Variants in SLC25A13 observed in about 807,000 individuals in gnomAD.
The protein encoded by SLC25A13 is electrogenic aspartate/glutamate antiporter SLC25A13, mitochondrial.
Under a neutral mutation model 85.5 loss-of-function variants are expected in SLC25A13, and 70 were observed. The observed-to-expected ratio is 0.82, with a 90% confidence interval of 0.68 to 1.00. SLC25A13 has a LOEUF of 1.00. Ranked by LOEUF, SLC25A13 falls within the 50% of genes least tolerant of loss-of-function variation. SLC25A13 has a pLI of 0.00. For missense variants in SLC25A13, 765 were observed against 819.8 expected, an observed-to-expected ratio of 0.93 and a Z score of 0.82; for synonymous variants, 259 against 288.7, an observed-to-expected ratio of 0.90 and a Z score of 1.04.
At chr7:96,211,347 T>C (rs1205924118) in intron 4 of SLC25A13, among the ~76,000 whole-genome samples, 1 of 152,102 alleles carries the variant, frequency 6.6e-6, no homozygotes, top group Admixed American at 6.6e-5. Context: ...ATCCCTAAGA[T>C]ATCTCTCAGA....
rs1490959114 is a variant in SLC25A13 at position 96,192,141 on chromosome 7, C to T, written c.616-894G>A. 2.6e-5 allele frequency among the ~76,000 whole-genome samples: 4 copies of T among 151,986 alleles called. No individual in the cohort carries two copies. In the East Asian group the frequency reaches 5.8e-4, roughly 22 times the overall value. On this transcript the variant is annotated intron_variant, in intron 6 of 17. Transcript: ENST00000265631. The stretch of plus-strand genomic sequence containing the variant: ...CACAGTGCCAGAATGGAAGAGGCCT[C>T]GTTGGAATACCATGTCTCTAGAACT...
intron 3 of SLC25A13, among the ~76,000 whole-genome samples, chr7:96,243,380 GGAACCAC>G (rs1351400822): frequency 6.6e-6 from 1 of 152,186 alleles, no homozygotes; most frequent in Non-Finnish European, 1.5e-5. Flanking sequence ...ATGTCCTCAA[GGAACCAC>G]ATTTGCAGAT....
intron 15 of SLC25A13, among the ~76,000 whole-genome samples, chr7:96,126,783 TA>T (rs1464252129): frequency 1.3e-5 from 2 of 152,232 alleles, no homozygotes; most frequent in African/African-American, 4.8e-5. Context: ...CCTGACATTT[TA>T]AGGTATTTGG....
At chr7:96,125,754 T>G (rs1253614515) in intron 15 of SLC25A13, among the ~76,000 whole-genome samples, 73 of 126,174 alleles carry the variant, frequency 5.8e-4, no homozygotes, top group South Asian at 1.8e-3. Context: ...TCTAGAGGGG[T>G]TTTTTTTTTT....
At chr7:96,190,902 C>T (rs1794822652) in intron 7 of SLC25A13, among the ~76,000 whole-genome samples, 1 of 152,178 alleles carries the variant, frequency 6.6e-6, no homozygotes, top group South Asian at 2.1e-4. Flanking sequence ...TGTGAGTCAC[C>T]AAGCTGGGCC....
intron 11 of SLC25A13, among the ~76,000 whole-genome samples, chr7:96,173,403 G>T (rs1345773964): frequency 2.6e-5 from 4 of 152,118 alleles, no homozygotes; most frequent in Admixed American, 2.6e-4. Flanking sequence ...GTGAGACTGG[G>T]ATACAAGCTT....
chr7:96,223,815 A>G (rs1007116933), intron 4 of SLC25A13, among the ~76,000 whole-genome samples: 1 of 136,060 alleles, frequency 7.3e-6, no homozygotes, highest in Non-Finnish European at 1.6e-5. Flanking sequence ...AAAAAAAAAA[A>G]GTAGTATTCA....
chr7:96,295,978 G>A (rs1799332973), intron 2 of SLC25A13, among the ~76,000 whole-genome samples: 1 of 151,630 alleles, frequency 6.6e-6, no homozygotes, highest in Admixed American at 6.6e-5. Context: ...ATAACATAAA[G>A]GTGTTTCGGT....
intron 1 of SLC25A13, among the ~76,000 whole-genome samples, chr7:96,307,831 T>C (rs537565874): frequency 1.3e-5 from 2 of 152,226 alleles, no homozygotes; most frequent in South Asian, 4.1e-4. Flanking sequence ...TCCTATTTCA[T>C]GAGCTTTGCA....
At chr7:96,266,027 A>C (rs1798033553) in intron 3 of SLC25A13, among the ~76,000 whole-genome samples, 1 of 152,200 alleles carries the variant, frequency 6.6e-6, no homozygotes, top group Admixed American at 6.5e-5. Context: ...TCTTCACACT[A>C]TCACCATGCA....
At position 96,184,960 on chromosome 7, in the gene SLC25A13, C is replaced by T. The variant is rs1251699185; in HGVS notation, c.985G>A (p.Ala329Thr). ...RPVLLQVAES[A>T]YRFGLGSVAG... ...ACAGAACCCAGACCAAACCTGTAGG[C>T]CGACTCTGCAACTTGTAGAAGAACT... Residue 329 changes from alanine to threonine, a missense_variant, in exon 10 of 18, where the codon GCC (alanine) becomes ACC (threonine). Coordinates refer to ENST00000265631, the MANE Select transcript of SLC25A13 (RefSeq NM_014251.3). 7.4e-6 allele frequency: 12 copies of T among 1,614,078 alleles called. No individual in the cohort carries two copies. Among genetic ancestry groups the T allele is most frequent in the Non-Finnish European group, 1.0e-5 (12 of 1,180,034 alleles).
intron 5 of SLC25A13, among the ~76,000 whole-genome samples, chr7:96,205,953 A>C (rs1478256306): frequency 6.6e-6 from 1 of 152,156 alleles, no homozygotes; most frequent in Non-Finnish European, 1.5e-5. Flanking sequence ...GACAAAAAAA[A>C]AAAAAGGAAC....
At chr7:96,202,329 C>A (rs1021893705) in intron 5 of SLC25A13, among the ~76,000 whole-genome samples, 4 of 152,170 alleles carry the variant, frequency 2.6e-5, no homozygotes, top group Admixed American at 1.3e-4. Flanking sequence ...CCTCTTCTGA[C>A]AAAATGAGGA....
intron 4 of SLC25A13, among the ~76,000 whole-genome samples, chr7:96,223,890 T>A (rs1288266122): frequency 6.6e-6 from 1 of 151,314 alleles, no homozygotes; most frequent in South Asian, 2.1e-4. Flanking sequence ...TATCAGTAAG[T>A]AGGAATAGGT....
chr7:96,266,943 T>C (rs1335084456), intron 3 of SLC25A13, among the ~76,000 whole-genome samples: 1 of 152,244 alleles, frequency 6.6e-6, no homozygotes, highest in Admixed American at 6.5e-5. Context: ...AGGTGACTGC[T>C]ATTGATTATT....
intron 3 of SLC25A13, among the ~76,000 whole-genome samples, chr7:96,243,939 AT>A (rs1010985528): frequency 3.0e-4 from 46 of 152,136 alleles, no homozygotes; most frequent in African/African-American, 1.0e-3. Flanking sequence ...CAGGGGAGTG[AT>A]GTGACTCGCC....
At chr7:96,252,467 T>TTA in intron 3 of SLC25A13, among the ~76,000 whole-genome samples, 1 of 152,040 alleles carries the variant, frequency 6.6e-6, no homozygotes, top group South Asian at 2.1e-4. Flanking sequence ...GAGGGGCCTA[T>TTA]TAGGTACGCA....
At chr7:96,187,608 T>G (rs2116641783) in intron 9 of SLC25A13, among the ~76,000 whole-genome samples, 1 of 152,180 alleles carries the variant, frequency 6.6e-6, no homozygotes, top group South Asian at 2.1e-4. Context: ...CTCTGAAAAT[T>G]ATAGAGGGTG....
rs139667699 is a variant in SLC25A13, at chr7:96,179,990, C to T, written c.1177+4287G>A. On this transcript the variant is annotated intron_variant, in intron 11 of 17. Transcript: ENST00000265631. ...GACCTGGCTTAAACTAGCTGCCTGC[C>T]AAAACTTCCCTCTGCAATATAAAAG... Among the ~76,000 whole-genome samples the T allele has an allele frequency of 1.1e-4, 17 of 152,242 alleles. No individual in the cohort carries two copies. In the East Asian group the frequency reaches 3.1e-3, roughly 28 times the overall value.
Sources: allele counts gnomAD v4.1 joint callset (sites outside exome capture counted in the v4.1 genomes callset), GRCh38; gene constraint gnomAD v4.1.1; transcripts MANE v1.5; gene names NCBI Gene and HGNC (gene_info 2026-07-23, HGNC 2026-07-21).